CCBE1: variants seen among roughly 807,000 people sequenced by gnomAD.
CCBE1 encodes the protein collagen and calcium binding EGF domains 1.
CCBE1 carries 37 observed loss-of-function variants against 50.0 expected under a neutral mutation model. The ratio of observed to expected loss-of-function variants is 0.74; its 90% confidence interval spans 0.57 to 0.97. The LOEUF (loss-of-function observed/expected upper bound fraction) is 0.97, where lower values mean the gene tolerates loss of function less well. Ranked by LOEUF, CCBE1 falls within the 50% of genes least tolerant of loss-of-function variation. The pLI is 0.00. For synonymous variants in CCBE1, 234 were observed against 203.7 expected, an observed-to-expected ratio of 1.15 and a Z score of -1.27; for missense variants, 538 against 523.8, an observed-to-expected ratio of 1.03 and a Z score of -0.26.
At chr18:59,517,077 C>A (rs1463615341) in intron 2 of CCBE1, among the ~76,000 whole-genome samples, 1 of 152,216 alleles carries the variant, frequency 6.6e-6, no homozygotes, top group Non-Finnish European at 1.5e-5. Flanking sequence ...TAAGAGTGCA[C>A]ACTTCTTAGT....
chr18:59,620,194 C>G (rs1249997320), intron 2 of CCBE1, among the ~76,000 whole-genome samples: 1 of 152,148 alleles, frequency 6.6e-6, no homozygotes, highest in Non-Finnish European at 1.5e-5. Context: ...TCCTAGGTAG[C>G]CTAGAAGTTT....
chr18:59,470,238 G>A (rs1348533339), intron 3 of CCBE1, among the ~76,000 whole-genome samples: 4 of 152,136 alleles, frequency 2.6e-5, no homozygotes, highest in Admixed American at 2.6e-4. Context: ...TTCTTACATG[G>A]TATCAGGCAA....
intron 2 of CCBE1, among the ~76,000 whole-genome samples, chr18:59,488,860 T>C (rs1234958020): frequency 6.6e-6 from 1 of 151,984 alleles, no homozygotes; most frequent in Non-Finnish European, 1.5e-5. Context: ...ACATCTGCTG[T>C]TTTTCCTGTT....
intron 2 of CCBE1, among the ~76,000 whole-genome samples, chr18:59,558,043 G>A (rs1007888996): frequency 7.2e-5 from 11 of 152,176 alleles, no homozygotes; most frequent in African/African-American, 1.7e-4. Context: ...AGGTGGAGCC[G>A]AAGACTGCTT....
intron 2 of CCBE1, among the ~76,000 whole-genome samples, chr18:59,631,070 C>T (rs1414336528): frequency 6.6e-6 from 1 of 152,130 alleles, no homozygotes; most frequent in African/African-American, 2.4e-5. Flanking sequence ...CTTTTCCTGT[C>T]ATCTCATGCG....
At chr18:59,639,270 A>T (rs2144641765) in intron 2 of CCBE1, among the ~76,000 whole-genome samples, 1 of 152,322 alleles carries the variant, frequency 6.6e-6, no homozygotes, top group African/African-American at 2.4e-5. Context: ...CCCTGTCTTA[A>T]AAAATAAGAA....
intron 9 of CCBE1, among the ~76,000 whole-genome samples, chr18:59,439,144 A>T (rs1248917625): frequency 6.6e-6 from 1 of 151,956 alleles, no homozygotes. Context: ...AAAATTAGCC[A>T]GGTGTGGTGG....
intron 2 of CCBE1, among the ~76,000 whole-genome samples, chr18:59,665,661 T>C (rs2054344329): frequency 6.6e-6 from 1 of 152,242 alleles, no homozygotes; most frequent in African/African-American, 2.4e-5. Context: ...TAAAAGCCTC[T>C]AACATCAGGA....
At chr18:59,524,978 T>C (rs1914760060) in intron 2 of CCBE1, among the ~76,000 whole-genome samples, 1 of 152,190 alleles carries the variant, frequency 6.6e-6, no homozygotes, top group Admixed American at 6.5e-5. Flanking sequence ...GTACCACATT[T>C]TCTTCATCCA....
Position 59,662,461 on chromosome 18 carries a change from T to C in CCBE1, c.212+34168A>G, listed in dbSNP as rs117900520. ...GTTACACTTTGTCATTTCCTAAATA[T>C]TTTTTCCCACCTCAATGCCAGCACC... is the stretch of plus-strand genomic sequence containing the variant. On this transcript the variant is annotated intron_variant, in intron 2 of 10. Coordinates refer to ENST00000439986, the MANE Select transcript of CCBE1 (RefSeq NM_133459.4). 5.3e-5 allele frequency among the ~76,000 whole-genome samples: 8 copies of C among 152,320 alleles called. No homozygotes were observed. In the East Asian group the frequency reaches 1.3e-3, roughly 26 times the overall value.
Position 59,641,774 on chromosome 18 carries a change from G to A in CCBE1, c.212+54855C>T, listed in dbSNP as rs370097552. ...AATCAAAAGTCCAAAGGGATAACAC[G>A]CACACATGAAAAGGTGAGTGATGGC... On this transcript the variant is annotated intron_variant, in intron 2 of 10. Coordinates refer to ENST00000439986, the MANE Select transcript of CCBE1 (RefSeq NM_133459.4). Among the ~76,000 whole-genome samples the A allele has an allele frequency of 1.5e-4, 23 of 152,234 alleles. 1 individual carries two copies. In the East Asian group the frequency reaches 2.3e-3, roughly 15 times the overall value.
At chr18:59,526,902 T>C (rs1914846058) in intron 2 of CCBE1, among the ~76,000 whole-genome samples, 1 of 152,212 alleles carries the variant, frequency 6.6e-6, no homozygotes, top group African/African-American at 2.4e-5. Context: ...TTCTTTTGCA[T>C]TTGCCAAGGA....
intron 2 of CCBE1, among the ~76,000 whole-genome samples, chr18:59,696,014 G>A (rs570383264): frequency 2.0e-5 from 3 of 152,246 alleles, no homozygotes; most frequent in Admixed American, 1.3e-4. Flanking sequence ...TATAACTACC[G>A]ATTCCCTAGC....
At chr18:59,594,854 C>T (rs1191354423) in intron 2 of CCBE1, among the ~76,000 whole-genome samples, 3 of 152,028 alleles carry the variant, frequency 2.0e-5, no homozygotes, top group Non-Finnish European at 1.5e-5. Flanking sequence ...TGGCTCACAC[C>T]TATAATCCCA....
At chr18:59,544,200 TA>T (rs2144392831) in intron 2 of CCBE1, among the ~76,000 whole-genome samples, 1 of 152,308 alleles carries the variant, frequency 6.6e-6, no homozygotes, top group South Asian at 2.1e-4. Context: ...AGCCACATAG[TA>T]GGTGATTTTT....
chr18:59,646,724 T>C (rs538761694), intron 2 of CCBE1, among the ~76,000 whole-genome samples: 7 of 152,350 alleles, frequency 4.6e-5, no homozygotes, highest in Non-Finnish European at 7.3e-5. Context: ...ACAGGTCTCA[T>C]GTAGCAATGA....
intron 2 of CCBE1, among the ~76,000 whole-genome samples, chr18:59,618,801 A>G (rs2053672427): frequency 6.6e-6 from 1 of 152,062 alleles, no homozygotes; most frequent in Non-Finnish European, 1.5e-5. Context: ...GATAAGAGGA[A>G]GTGCTCAGAA....
intron 2 of CCBE1, among the ~76,000 whole-genome samples, chr18:59,600,115 C>A (rs955516810): frequency 6.6e-6 from 1 of 152,154 alleles, no homozygotes; most frequent in African/African-American, 2.4e-5. Flanking sequence ...TCAGGGGTCC[C>A]CAACCACTGG....
intron 2 of CCBE1, among the ~76,000 whole-genome samples, chr18:59,647,554 T>C (rs1180923874): frequency 6.6e-6 from 1 of 152,226 alleles, no homozygotes; most frequent in Non-Finnish European, 1.5e-5. Flanking sequence ...AACAACTGGG[T>C]TGGCAGAAAA....
Sources: gnomAD v4.1 joint callset for allele counts (sites outside exome capture counted in the v4.1 genomes callset) on GRCh38, gnomAD v4.1.1 for gene constraint, MANE v1.5 for transcripts, NCBI Gene and HGNC (gene_info 2026-07-23, HGNC 2026-07-21) for gene names.